The following YES1 variants were observed in gnomAD, a reference collection of about 807,000 sequenced individuals.
The protein encoded by YES1 is YES proto-oncogene 1, Src family tyrosine kinase.
Under a neutral mutation model 70.4 loss-of-function variants are expected in YES1, and 39 were observed. The observed-to-expected ratio is 0.55, with a 90% confidence interval of 0.43 to 0.72. The LOEUF (loss-of-function observed/expected upper bound fraction) is 0.72. Among genes scored for constraint, YES1 ranks in the 30% least tolerant of loss-of-function variants. The probability of loss-of-function intolerance (pLI) is 0.00; values close to 1 mark genes in which losing one functional copy is unlikely to be tolerated. For synonymous variants in YES1, 198 were observed against 218.6 expected (o/e 0.91, Z 0.83); for missense variants, 495 against 644.8 (o/e 0.77, Z 2.52).
chr18:748,708 C>G (rs73370169), intron 3 of YES1, among the ~76,000 whole-genome samples: 6,305 of 152,176 alleles, frequency 0.041, 451 homozygotes, highest in African/African-American at 0.14. Flanking sequence ...TAGGTTATAG[C>G]ATGTCTATCA....
chr18:809,689 T>C (rs1260576501), intron 1 of YES1, among the ~76,000 whole-genome samples: 2 of 152,096 alleles, frequency 1.3e-5, no homozygotes, highest in African/African-American at 4.8e-5. Context: ...ATAGCCTAGG[T>C]AGTGTTCGAA....
chr18:748,040 T>C, intron 3 of YES1, 22 bp from the exon 4 acceptor site: 5 of 1,607,048 alleles, frequency 3.1e-6, no homozygotes, highest in Non-Finnish European at 4.3e-6. Flanking sequence ...AAAACAGCAA[T>C]CACCGCAAGG....
At chr18:734,775 CTATGGAAAACAG>C (rs1453616787) in intron 10 of YES1, among the ~76,000 whole-genome samples, 1 of 151,948 alleles carries the variant, frequency 6.6e-6, no homozygotes, top group Non-Finnish European at 1.5e-5. Context: ...AGTACAACCA[CTATGGAAAACAG>C]TATGGAAACT....
chr18:765,248 C>CTATATATATATATATA (rs71174288), intron 1 of YES1, among the ~76,000 whole-genome samples: 7 of 91,516 alleles, frequency 7.6e-5, no homozygotes, highest in African/African-American at 7.6e-5. Flanking sequence ...AGAGTTACAA[C>CTATATATATATATATA]TATATATATA....
chr18:802,288 C>T (rs776943758), intron 1 of YES1, among the ~76,000 whole-genome samples: 3 of 152,106 alleles, frequency 2.0e-5, no homozygotes, highest in Non-Finnish European at 4.4e-5. Context: ...GAAAGTATTG[C>T]CAGGCGTGGT....
intron 3 of YES1, among the ~76,000 whole-genome samples, chr18:749,033 C>T (rs957281032): frequency 6.6e-6 from 1 of 152,090 alleles, no homozygotes; most frequent in Non-Finnish European, 1.5e-5. Context: ...CAGCGGCATG[C>T]ACCTGTAGTC....
intron 1 of YES1, among the ~76,000 whole-genome samples, chr18:798,569 C>T (rs887164543): frequency 6.6e-6 from 1 of 152,150 alleles, no homozygotes; most frequent in African/African-American, 2.4e-5. Context: ...TTTAGCTCCA[C>T]CCTAATTTCT....
chr18:759,873 C>T lies in YES1; in HGVS notation c.-8-3038G>A, dbSNP rs1352328938. 8.3e-5 allele frequency among the ~76,000 whole-genome samples: 11 copies of T among 133,014 alleles called. 1 individual carries two copies. Among genetic ancestry groups the T allele is most frequent in the East Asian group, 7.3e-4 (3 of 4,128 alleles). The allele number at this position is 133,014 out of a possible 152,430, so 87.3% of individuals were successfully genotyped here. A position where few individuals can be genotyped will look rare whatever the true frequency, so the allele number is the denominator to read the frequency against. ...ATCCTTCCCCCCTCCCCCCACCCCA[C>T]GACAAGCCCCGGTGTATGATGTTCC... On this transcript the variant is annotated intron_variant, in intron 1 of 11. Coordinates refer to ENST00000314574, the MANE Select transcript of YES1 (RefSeq NM_005433.4).
intron 1 of YES1, among the ~76,000 whole-genome samples, chr18:802,780 T>C (rs1442364859): frequency 6.6e-6 from 1 of 152,026 alleles, no homozygotes; most frequent in Non-Finnish European, 1.5e-5. Flanking sequence ...TCTTTATCTG[T>C]AATAAATACC....
At chr18:756,044 C>G (rs2080402234) in intron 2 of YES1, among the ~76,000 whole-genome samples, 1 of 152,146 alleles carries the variant, frequency 6.6e-6, no homozygotes, top group Non-Finnish European at 1.5e-5. Flanking sequence ...CTCCTACTTA[C>G]TATCTGTGAC....
rs994436612 is a variant in YES1, at chr18:812,240, G to A, written c.-135C>T. ...TCCCGGGGCGCCCGGCGGCAGCAAC[G>A]ACGGCAGAGCCGGCCCGGGACGCGT... On this transcript the variant is annotated 5_prime_UTR_variant, in exon 1 of 12. Transcript: ENST00000314574. 6.6e-6 allele frequency: 1 copy of A among 151,682 alleles called. No homozygotes were observed. The highest frequency in any genetic ancestry group is 1.5e-5 in the Non-Finnish European group (1 of 67,894). The allele number at this position is 151,682 out of a possible 1,614,324, so 9.4% of individuals were successfully genotyped here.
chr18:757,348 A>G (rs1276076409), intron 1 of YES1, among the ~76,000 whole-genome samples: 2 of 151,878 alleles, frequency 1.3e-5, no homozygotes, highest in African/African-American at 2.4e-5. Flanking sequence ...CTAAAAATGC[A>G]AAAAATTAGC....
At chr18:726,148 G>A (rs745418909) in intron 11 of YES1, among the ~76,000 whole-genome samples, 5 of 152,068 alleles carry the variant, frequency 3.3e-5, no homozygotes, top group South Asian at 2.1e-4. Flanking sequence ...CTCAAAGGCC[G>A]GGTGCGGTGG....
intron 4 of YES1, 35 bp from the exon 5 acceptor site, chr18:746,086 A>G: frequency 6.6e-7 from 1 of 1,525,914 alleles, no homozygotes; most frequent in Non-Finnish European, 9.0e-7. Context: ...ATTGAAAAGT[A>G]TGAGGTTCAG....
At chr18:772,363 A>G (rs1905199056) in intron 1 of YES1, among the ~76,000 whole-genome samples, 2 of 151,936 alleles carry the variant, frequency 1.3e-5, no homozygotes, top group Non-Finnish European at 2.9e-5. Flanking sequence ...TCTTGATACT[A>G]GGTAAACATT....
chr18:745,962 C>A lies in YES1; in HGVS notation c.560G>T (p.Ser187Ile). The A allele has an allele frequency of 6.2e-7, 1 of 1,612,286 alleles. No individual in the cohort carries two copies. The highest frequency in any genetic ancestry group is 8.5e-7 in the Non-Finnish European group (1 of 1,179,058). ...NQRGIFLVRE[S>I]ETTKGAYSLS... ...AATATTCATACCTTTAGTTGTTTCA[C>A]TCTCTCTTACTAAGAAAATACCTCG... Residue 187 changes from serine to isoleucine, a missense_variant, in exon 5 of 12, where the codon AGT (serine) becomes ATT (isoleucine). Physicochemically the swap from Ser to Ile is moderately radical, Grantham distance 142. This residue lies in a region of YES1 where 385 missense variants were observed against 540.9 expected (regional missense o/e 0.71). Transcript: ENST00000314574.
At chr18:796,493 G>C (rs1568218600) in intron 1 of YES1, among the ~76,000 whole-genome samples, 1 of 152,152 alleles carries the variant, frequency 6.6e-6, no homozygotes, top group Non-Finnish European at 1.5e-5. Context: ...AATTAGGCCG[G>C]GTGCAGTGGC....
intron 1 of YES1, among the ~76,000 whole-genome samples, chr18:809,671 T>G (rs2145848301): frequency 6.6e-6 from 1 of 152,230 alleles, no homozygotes; most frequent in Middle Eastern, 3.4e-3. Flanking sequence ...TAATCCTATT[T>G]GCAAAGGATA....
intron 1 of YES1, among the ~76,000 whole-genome samples, chr18:777,234 A>T (rs543388548): frequency 6.6e-6 from 1 of 152,282 alleles, no homozygotes; most frequent in African/African-American, 2.4e-5. Flanking sequence ...TGACTCAAGG[A>T]TCTTCTATTT....
Sources: gnomAD v4.1 joint callset for allele counts (sites outside exome capture counted in the v4.1 genomes callset) on GRCh38, gnomAD v4.1.1 for gene constraint, gnomAD v4.1.1 regional missense constraint, MANE v1.5 for transcripts, NCBI Gene and HGNC (gene_info 2026-07-23, HGNC 2026-07-21) for gene names.